The following TBC1D5 variants were observed in gnomAD, a reference collection of about 807,000 sequenced individuals.
The protein encoded by TBC1D5 is TBC1 domain family member 5.
A neutral mutation model predicts 100.3 loss-of-function variants in TBC1D5; 75 were observed. That is an observed-to-expected ratio of 0.75 (90% CI 0.62 to 0.91). The LOEUF is 0.91. TBC1D5 is among the 40% of genes least tolerant of loss of function. TBC1D5 has a pLI of 0.00. For missense variants in TBC1D5, 910 were observed against 942.4 expected (o/e 0.97, Z 0.45); for synonymous variants, 323 against 325.6 (o/e 0.99, Z 0.09).
At chr3:17,164,797 A>G (rs2066428285) in intron 21 of TBC1D5, among the ~76,000 whole-genome samples, 1 of 152,190 alleles carries the variant, frequency 6.6e-6, no homozygotes, top group Non-Finnish European at 1.5e-5. Context: ...GGCCCCATGC[A>G]CTTGGCTTCT....
chr3:17,575,163 A>C (rs565568255), intron 2 of TBC1D5: 3 of 151,778 alleles, frequency 2.0e-5, no homozygotes, highest in African/African-American at 7.2e-5. Context: ...CCATCTCTAC[A>C]AAAAAATTTT....
At chr3:17,619,351 A>G (rs1055978965) in intron 2 of TBC1D5, among the ~76,000 whole-genome samples, 1 of 152,218 alleles carries the variant, frequency 6.6e-6, no homozygotes, top group African/African-American at 2.4e-5. Context: ...TCATTAACAC[A>G]TACTACAAGC....
Position 17,505,144 on chromosome 3 carries a change from A to G in TBC1D5, c.97+3330T>C, listed in dbSNP as rs528390563. 7.2e-5 allele frequency among the ~76,000 whole-genome samples: 11 copies of G among 152,344 alleles called. No homozygotes were observed. The East Asian group carries it at 2.1e-3, about 29-fold the overall frequency. ...ATTAAAAGGCAAAGAAAGGTTAGGCAATTATTTAAATATATAAAAGCTATT... is the reference window on the plus strand; with the variant it reads ...ATTAAAAGGCAAAGAAAGGTTAGGCGATTATTTAAATATATAAAAGCTATT... On this transcript the variant is annotated intron_variant, in intron 3 of 21. Coordinates refer to ENST00000253692, the Ensembl canonical transcript of TBC1D5.
At chr3:17,427,442 A>G (rs2094358838) in intron 4 of TBC1D5, among the ~76,000 whole-genome samples, 1 of 151,964 alleles carries the variant, frequency 6.6e-6, no homozygotes, top group Non-Finnish European at 1.5e-5. Context: ...CCCGCCTGAA[A>G]TCTGAAGAAA....
intron 1 of TBC1D5, among the ~76,000 whole-genome samples, chr3:17,648,333 G>A (rs2065200357): frequency 6.6e-6 from 1 of 151,986 alleles, no homozygotes; most frequent in African/African-American, 2.4e-5. Context: ...AACTCAAGGT[G>A]GATTAAAGAC....
rs912515391 is a variant in TBC1D5, at chr3:17,497,093, C to G, written c.97+11381G>C. ...TTTCTTTCTCTCTCTCTCTGACACA[C>G]ACACACACACACACACACACACACA... On this transcript the variant is annotated intron_variant, in intron 3 of 21. Coordinates refer to ENST00000253692, the Ensembl canonical transcript of TBC1D5. Among the ~76,000 whole-genome samples, 4 of 47,046 alleles carry G rather than the reference C, an allele frequency of 8.5e-5. No individual in the cohort carries two copies. The East Asian group carries it at 9.6e-4, about 11-fold the overall frequency. 30.9% of individuals were successfully genotyped at this position (47,046 alleles called of 152,430 possible). A position where few individuals can be genotyped will look rare whatever the true frequency, so the allele number is the denominator to read the frequency against.
At position 17,263,942 on chromosome 3, in the gene TBC1D5, T is replaced by C. The variant is rs561467370; in HGVS notation, c.1246-5351A>G. 3.9e-5 allele frequency among the ~76,000 whole-genome samples: 6 copies of C among 152,312 alleles called. No homozygotes were observed. The East Asian group carries it at 9.6e-4, about 24-fold the overall frequency. ...TAACTCTGTCCACTTCTGAGGTATA[T>C]ATTATATGAGAGTAGACTGCTCTTT... On this transcript the variant is annotated intron_variant, in intron 15 of 21. Coordinates refer to ENST00000253692, the Ensembl canonical transcript of TBC1D5.
chr3:17,718,677 A>AC (rs1314590664), intron 1 of TBC1D5, among the ~76,000 whole-genome samples: 4 of 152,190 alleles, frequency 2.6e-5, no homozygotes, highest in Admixed American at 6.5e-5. Flanking sequence ...ACAATGCTGT[A>AC]CCATCATTAC....
At position 17,428,134 on chromosome 3, in the gene TBC1D5, A is replaced by G. The variant is rs2094376573; in HGVS notation, c.167+316T>C. Among the ~76,000 whole-genome samples, 3 of 151,850 alleles carry G rather than the reference A, an allele frequency of 2.0e-5. 1 individual carries two copies. In the South Asian group the frequency reaches 6.2e-4, roughly 31 times the overall value. On this transcript the variant is annotated intron_variant, in intron 4 of 21. Coordinates refer to ENST00000253692, the Ensembl canonical transcript of TBC1D5. ...TAACAGATATACTGGAAAAACAAAAATAGATTATAATGAAGCTGAATACTA... is the reference window on the plus strand; with the variant it reads ...TAACAGATATACTGGAAAAACAAAAGTAGATTATAATGAAGCTGAATACTA...
At chr3:17,636,632 A>C (rs1279637857) in intron 1 of TBC1D5, among the ~76,000 whole-genome samples, 1 of 151,856 alleles carries the variant, frequency 6.6e-6, no homozygotes, top group Non-Finnish European at 1.5e-5. Flanking sequence ...TCTACTAAAA[A>C]TAAAAAATAA....
chr3:17,197,289 ACT>A (rs1469948075), intron 18 of TBC1D5, among the ~76,000 whole-genome samples: 1 of 152,032 alleles, frequency 6.6e-6, no homozygotes, highest in African/African-American at 2.4e-5. Context: ...TTAGGTTCCT[ACT>A]TTGTTTCATG....
intron 3 of TBC1D5, among the ~76,000 whole-genome samples, chr3:17,445,540 T>C (rs560475939): frequency 6.6e-6 from 1 of 152,326 alleles, no homozygotes; most frequent in East Asian, 1.9e-4. Flanking sequence ...TCTTTTCTTA[T>C]TTGTGGTCTT....
At chr3:17,622,486 T>C (rs2062750126) in intron 2 of TBC1D5, among the ~76,000 whole-genome samples, 1 of 152,048 alleles carries the variant, frequency 6.6e-6, no homozygotes, top group Non-Finnish European at 1.5e-5. Flanking sequence ...ATTTCAGAAG[T>C]TGTCCATATC....
chr3:17,463,943 CTTTTTTTTTTTT>C (rs1025162858), intron 3 of TBC1D5, among the ~76,000 whole-genome samples: 3 of 87,530 alleles, frequency 3.4e-5, no homozygotes, highest in African/African-American at 9.4e-5. Flanking sequence ...TTCCTTATTC[CTTTTTTTTTTTT>C]TTTTTTTTTT....
intron 3 of TBC1D5, among the ~76,000 whole-genome samples, chr3:17,459,355 C>G (rs1246762199): frequency 6.6e-6 from 1 of 152,104 alleles, no homozygotes; most frequent in African/African-American, 2.4e-5. Flanking sequence ...CTCGCATGCA[C>G]AGGGTTCATG....
chr3:17,337,654 T>C (rs1262079958), intron 13 of TBC1D5: 2 of 152,148 alleles, frequency 1.3e-5, no homozygotes, highest in Non-Finnish European at 2.9e-5. Flanking sequence ...AGACAAAAGA[T>C]AAACCTGAAG....
At chr3:17,166,813 C>T in exon 21 of TBC1D5, 3 of 1,614,166 alleles carry the variant, frequency 1.9e-6, no homozygotes, top group East Asian at 2.2e-5. Flanking sequence ...TTGGCCTCGG[C>T]CCTGGCCCTG....
intron 2 of TBC1D5, among the ~76,000 whole-genome samples, chr3:17,613,720 T>C (rs1040849569): frequency 5.3e-5 from 8 of 152,332 alleles, no homozygotes; most frequent in Admixed American, 5.2e-4. Context: ...TTTGCCCACT[T>C]TTTGATTTGG....
At chr3:17,591,249 A>AAAAAAAAC (rs2096767823) in intron 2 of TBC1D5, among the ~76,000 whole-genome samples, 1 of 138,806 alleles carries the variant, frequency 7.2e-6, no homozygotes, top group Non-Finnish European at 1.5e-5. Flanking sequence ...AAAAAAAAAA[A>AAAAAAAAC]AAAAAAAAAA....
Sources: gnomAD v4.1 joint callset for allele counts (sites outside exome capture counted in the v4.1 genomes callset) on GRCh38, gnomAD v4.1.1 for gene constraint, MANE v1.5 for transcripts, NCBI Gene and HGNC (gene_info 2026-07-23, HGNC 2026-07-21) for gene names.